Variants in DLC1 observed in about 807,000 individuals in gnomAD.
DLC1 encodes the protein rho GTPase-activating protein 7.
Under a neutral mutation model 140.3 loss-of-function variants are expected in DLC1, and 54 were observed. The observed-to-expected ratio is 0.38, with a 90% CI of 0.31 to 0.48. DLC1 has a LOEUF of 0.48. DLC1 is among the 20% of genes least tolerant of loss of function. The pLI is 0.96. For synonymous variants in DLC1, 986 were observed against 728.1 expected, an observed-to-expected ratio of 1.35 and a Z score of -5.70; for missense variants, 2,536 against 1,907.0, an observed-to-expected ratio of 1.33 and a Z score of -6.14.
chr8:13,297,466 A>C (rs532404720), intron 5 of DLC1, among the ~76,000 whole-genome samples: 178 of 152,034 alleles, frequency 1.2e-3, no homozygotes, highest in Non-Finnish European at 2.2e-3. Context: ...TTGCTGTTAC[A>C]AGAAGAGCTT....
At chr8:13,381,451 C>G (rs1426454899) in intron 4 of DLC1, among the ~76,000 whole-genome samples, 1 of 152,136 alleles carries the variant, frequency 6.6e-6, no homozygotes, top group Non-Finnish European at 1.5e-5. Flanking sequence ...TCCACTGTCA[C>G]ATTGATTAGG....
chr8:13,539,556 G>A (rs977231297), intron 1 of DLC1, among the ~76,000 whole-genome samples: 1 of 152,148 alleles, frequency 6.6e-6, no homozygotes, highest in Non-Finnish European at 1.5e-5. Flanking sequence ...GCTCCTTTAA[G>A]AACAGGAGGC....
At chr8:13,414,509 A>T (rs1358206947) in intron 2 of DLC1, among the ~76,000 whole-genome samples, 1 of 152,150 alleles carries the variant, frequency 6.6e-6, no homozygotes, top group Non-Finnish European at 1.5e-5. Flanking sequence ...CTTCTCATAG[A>T]TTGCACAAAT....
chr8:13,295,912 C>T (rs903599437), intron 5 of DLC1, among the ~76,000 whole-genome samples: 2 of 136,970 alleles, frequency 1.5e-5, no homozygotes, highest in East Asian at 2.2e-4. Context: ...AATTTGAAGA[C>T]ATCTAAGAGA....
At chr8:13,600,687 G>A (rs1236535338) in intron 1 of DLC1, among the ~76,000 whole-genome samples, 4 of 151,686 alleles carry the variant, frequency 2.6e-5, no homozygotes, top group African/African-American at 9.6e-5. Flanking sequence ...TCAAAATCTT[G>A]GTATTTGAAG....
At chr8:13,411,559 A>C (rs1427286241) in intron 2 of DLC1, among the ~76,000 whole-genome samples, 1 of 152,338 alleles carries the variant, frequency 6.6e-6, no homozygotes, top group Non-Finnish European at 1.5e-5. Context: ...TGATACTGAC[A>C]TGTCATTGTA....
intron 1 of DLC1, among the ~76,000 whole-genome samples, chr8:13,592,994 C>T (rs529446726): frequency 6.6e-6 from 1 of 152,168 alleles, no homozygotes; most frequent in Non-Finnish European, 1.5e-5. Flanking sequence ...AGCCTAAGTG[C>T]AATTTCTCTG....
At position 13,456,864 on chromosome 8, in the gene DLC1, G is replaced by A. The variant is rs1235106925; in HGVS notation, c.1023+42185C>T. Among the ~76,000 whole-genome samples, 4 of 152,140 alleles carry A rather than the reference G, an allele frequency of 2.6e-5. No individual in the cohort carries two copies. In the South Asian group the frequency reaches 6.2e-4, roughly 24 times the overall value. On this transcript the variant is annotated intron_variant, in intron 2 of 17. Coordinates refer to ENST00000276297, the MANE Select transcript of DLC1 (RefSeq NM_182643.3). Reference sequence around the variant, plus strand: ...GCTGTGATTATAGTACTCTTTCCAGGTGCTGACAAAGACTGGTGCAGCTGT... The same window carrying A: ...GCTGTGATTATAGTACTCTTTCCAGATGCTGACAAAGACTGGTGCAGCTGT...
chr8:13,462,824 AG>A (rs1799734994), intron 2 of DLC1, among the ~76,000 whole-genome samples: 1 of 152,218 alleles, frequency 6.6e-6, no homozygotes, highest in African/African-American at 2.4e-5. Context: ...GGTAACTACA[AG>A]GTAGTGAAGA....
At chr8:13,572,085 A>ATT in intron 1 of DLC1, among the ~76,000 whole-genome samples, 4 of 85,344 alleles carry the variant, frequency 4.7e-5, no homozygotes, top group Non-Finnish European at 9.6e-5. Context: ...GATTATTATT[A>ATT]TTATTATTTA....
chr8:13,289,266 A>G (rs1831663049), intron 5 of DLC1, among the ~76,000 whole-genome samples: 1 of 151,988 alleles, frequency 6.6e-6, no homozygotes, highest in African/African-American at 2.4e-5. Context: ...CAGTGGTGTG[A>G]TCATAGCTCC....
chr8:13,130,575 A>T (rs1047334782), intron 5 of DLC1, among the ~76,000 whole-genome samples: 5 of 152,180 alleles, frequency 3.3e-5, no homozygotes, highest in Non-Finnish European at 7.3e-5. Context: ...GCCCTAAGAA[A>T]ATCCTTCAAT....
rs984143914 is a variant in DLC1, at chr8:13,417,479, C to A, written c.1024-15860G>T. On this transcript the variant is annotated intron_variant, in intron 2 of 17. Transcript: ENST00000276297. ...GTGGTGTTTGGTTTTTTTGTCCTTG[C>A]TATAGTTTACTGAGAATGATGATTT... Among the ~76,000 whole-genome samples, 21 of 151,038 alleles carry A rather than the reference C, an allele frequency of 1.4e-4. 1 individual carries two copies. The highest frequency in any genetic ancestry group is 3.4e-4 in the African/African-American group (14 of 40,998).
chr8:13,495,982 C>A (rs1801482564), intron 2 of DLC1, among the ~76,000 whole-genome samples: 1 of 152,196 alleles, frequency 6.6e-6, no homozygotes, highest in African/African-American at 2.4e-5. Context: ...GAGCTGATTA[C>A]AATTCCATAA....
intron 2 of DLC1, among the ~76,000 whole-genome samples, chr8:13,439,988 T>C (rs1215195485): frequency 1.3e-5 from 2 of 152,184 alleles, no homozygotes; most frequent in Non-Finnish European, 2.9e-5. Context: ...AATAGTTAAG[T>C]GTTCCTCAAA....
intron 5 of DLC1, among the ~76,000 whole-genome samples, chr8:13,303,439 G>A (rs968575863): frequency 1.3e-5 from 2 of 152,094 alleles, no homozygotes; most frequent in Non-Finnish European, 2.9e-5. Flanking sequence ...TTCTTAAGGA[G>A]GAAAATTTCC....
At chr8:13,213,541 T>C (rs1176162317) in intron 5 of DLC1, among the ~76,000 whole-genome samples, 2 of 152,188 alleles carry the variant, frequency 1.3e-5, no homozygotes, top group African/African-American at 4.8e-5. Flanking sequence ...TAAAAAACAC[T>C]AATGAGTTGG....
chr8:13,341,650 G>C (rs1834058062), intron 4 of DLC1: 1 of 152,200 alleles, frequency 6.6e-6, no homozygotes, highest in South Asian at 2.1e-4. Flanking sequence ...GTCGCAGAAA[G>C]CCTTGAAAGC....
At position 13,520,957 on chromosome 8, in the gene DLC1, T is replaced by A. The variant is rs149278739; in HGVS notation, c.-125-20761A>T. Among the ~76,000 whole-genome samples the A allele has an allele frequency of 1.1e-4, 16 of 152,320 alleles. No individual in the cohort carries two copies. The Middle Eastern group carries it at 0.01, about 97-fold the overall frequency. On this transcript the variant is annotated intron_variant, in intron 1 of 1. Transcript: ENST00000631382. ...TTCATGGCCAAAAAAAGGGTCCATA[T>A]ATCTTTAGTATGTTCAAGAAATGTT...
Sources: gnomAD v4.1 joint callset for allele counts (sites outside exome capture counted in the v4.1 genomes callset) on GRCh38, gnomAD v4.1.1 for gene constraint, MANE v1.5 for transcripts, NCBI Gene and HGNC (gene_info 2026-07-23, HGNC 2026-07-21) for gene names.